The following PHOX2A variants were observed in gnomAD, a reference collection of about 807,000 sequenced individuals.
The protein encoded by PHOX2A is paired mesoderm homeobox protein 2A.
Under a neutral mutation model 16.4 loss-of-function variants are expected in PHOX2A, and 10 were observed. That is an observed-to-expected ratio of 0.61 (90% CI 0.38 to 1.04). The LOEUF is 1.04. PHOX2A is among the 50% of genes least tolerant of loss of function. PHOX2A has a pLI of 0.01. For missense variants in PHOX2A, 361 were observed against 419.4 expected, an observed-to-expected ratio of 0.86 and a Z score of 1.22; for synonymous variants, 219 against 203.8, an observed-to-expected ratio of 1.07 and a Z score of -0.64.
Position 72,241,165 on chromosome 11 carries a change from GT to G in PHOX2A, c.341del (p.Tyr114SerfsTer92). ...ELERVFAETH[Y>X]PDIYTREELA... ...GCTCCTCACGCGTGTAAATGTCGGG[GT>G]AGTGGGTCTCAGCGAAAACGCGCTC... On this transcript the variant is annotated frameshift_variant, in exon 2 of 3. Transcript: ENST00000298231. LOFTEE classifies it high-confidence loss of function. 1 of 1,614,004 alleles carries G rather than the reference GT, an allele frequency of 6.2e-7. No individual in the cohort carries two copies. Among genetic ancestry groups the G allele is most frequent in the Non-Finnish European group, 8.5e-7 (1 of 1,180,030 alleles).
At chr11:72,240,935 C>T (rs2135455702) in intron 2 of PHOX2A, among the ~76,000 whole-genome samples, 167 bp downstream of exon 2, 1 of 152,324 alleles carries the variant, frequency 6.6e-6, no homozygotes, top group East Asian at 1.9e-4. Context: ...CTCCCAAGGG[C>T]CTCCAAGTCC....
Position 72,244,153 on chromosome 11 carries a change from A to C in PHOX2A, c.-149T>G, listed in dbSNP as rs1949144948. The C allele has an allele frequency of 2.5e-6, 1 of 400,928 alleles. No homozygotes were observed. Among genetic ancestry groups the C allele is most frequent in the Non-Finnish European group, 4.3e-6 (1 of 231,404 alleles). 24.8% of individuals were successfully genotyped at this position (400,928 alleles called of 1,614,324 possible). On this transcript the variant is annotated 5_prime_UTR_variant, in exon 1 of 3. Transcript: ENST00000298231. ...AGTCCGCCCGCCCCGTCGCGGCCGC[A>C]CTCAGCCCGGGTGCAACGCAAGTGC...
At chr11:72,243,579 G>A (rs1264841770) in intron 1 of PHOX2A, among the ~76,000 whole-genome samples, 1 of 152,188 alleles carries the variant, frequency 6.6e-6, no homozygotes, top group African/African-American at 2.4e-5. Flanking sequence ...ACAGAGATTT[G>A]GCAACGAGAA....
Position 72,244,176 on chromosome 11 carries a change from T to A in PHOX2A, c.-172A>T, listed in dbSNP as rs1949145784. 1 of 383,998 alleles carries A rather than the reference T, an allele frequency of 2.6e-6. No homozygotes were observed. Among genetic ancestry groups the A allele is most frequent in the Non-Finnish European group, 4.6e-6 (1 of 218,032 alleles). 23.8% of individuals were successfully genotyped at this position (383,998 alleles called of 1,614,324 possible). Reference sequence around the variant, plus strand: ...GCACTCAGCCCGGGTGCAACGCAAGTGCAGCCAGCCCGGCCCGCGCGCCTT... The same window carrying A: ...GCACTCAGCCCGGGTGCAACGCAAGAGCAGCCAGCCCGGCCCGCGCGCCTT... On this transcript the variant is annotated 5_prime_UTR_variant, in exon 1 of 3. Coordinates refer to ENST00000298231, the MANE Select transcript of PHOX2A (RefSeq NM_005169.4).
At position 72,240,016 on chromosome 11, in the gene PHOX2A, A is replaced by T; in HGVS notation, c.588T>A (p.Pro196=). ...PDSTASLPPP[P]APGLASPRLS... ...GGCGCGGGCTGGCCAGGCCGGGCGC[A>T]GGCGGCGGCGGCAGCGAGGCGGTGC... The change falls in exon 3 of 3, where the codon CCT becomes CCA. Residue 196 remains proline (P), a synonymous_variant. Coordinates refer to ENST00000298231, the MANE Select transcript of PHOX2A (RefSeq NM_005169.4). The T allele has an allele frequency of 7.0e-7, 1 of 1,431,986 alleles. No homozygotes were observed. The allele number at this position is 1,431,986 out of a possible 1,614,324, so 88.7% of individuals were successfully genotyped here.
Position 72,240,072 on chromosome 11 carries a change from T to C in PHOX2A, c.532A>G (p.Lys178Glu). The C allele has an allele frequency of 6.5e-7, 1 of 1,530,648 alleles. No individual in the cohort carries two copies. Among genetic ancestry groups the C allele is most frequent in the Non-Finnish European group, 8.7e-7 (1 of 1,143,490 alleles). The allele number at this position is 1,530,648 out of a possible 1,614,324, so 94.8% of individuals were successfully genotyped here. ...GGCGTGGGGCTGCACGTGGACTCCT[T>C]GGAATCGTCGTCCTCGGAGGAGCAG... The part of the protein sequence containing the change: ...ARCSSEDDDS[K>E]ESTCSPTPDS... Residue 178 changes from lysine to glutamate, a missense_variant, in exon 3 of 3, where the codon AAG becomes GAG. Coordinates refer to ENST00000298231, the MANE Select transcript of PHOX2A (RefSeq NM_005169.4).
At chr11:72,240,344 C>A in intron 2 of PHOX2A, 146 bp from the exon 3 acceptor site, 4 of 1,128,426 alleles carry the variant, frequency 3.5e-6, no homozygotes, top group Non-Finnish European at 4.9e-6. Flanking sequence ...GCCCTCCGCA[C>A]GCAGCCCGCT....
chr11:72,243,443 A>G (rs71477720), intron 1 of PHOX2A, among the ~76,000 whole-genome samples: 1,691 of 151,084 alleles, frequency 0.011, 11 homozygotes, highest in Middle Eastern at 0.054. Flanking sequence ...CTGGGCTGGG[A>G]GCCTTTTTCA....
chr11:72,244,071 G>T lies in PHOX2A; in HGVS notation c.-67C>A. ...GGGGTCGGGGTCCGGGTGGAGGTCG[G>T]AAGGGAGGTTCGAGCGCCAGGCTCC... On this transcript the variant is annotated 5_prime_UTR_variant, in exon 1 of 3. Coordinates refer to ENST00000298231, the MANE Select transcript of PHOX2A (RefSeq NM_005169.4). 1 of 774,640 alleles carries T rather than the reference G, an allele frequency of 1.3e-6. No individual in the cohort carries two copies. Among genetic ancestry groups the T allele is most frequent in the Non-Finnish European group, 1.8e-6 (1 of 566,224 alleles). 48.0% of individuals were successfully genotyped at this position (774,640 alleles called of 1,614,324 possible).
At position 72,239,642 on chromosome 11, in the gene PHOX2A, G is replaced by T; in HGVS notation, c.*107C>A. 1.2e-6 allele frequency: 1 copy of T among 858,470 alleles called. No homozygotes were observed. Among genetic ancestry groups the T allele is most frequent in the Non-Finnish European group, 1.6e-6 (1 of 631,994 alleles). The allele number at this position is 858,470 out of a possible 1,614,324, so 53.2% of individuals were successfully genotyped here. A position where few individuals can be genotyped will look rare whatever the true frequency, so the allele number is the denominator to read the frequency against. On this transcript the variant is annotated 3_prime_UTR_variant, in exon 3 of 3. Transcript: ENST00000298231. Reference sequence around the variant, plus strand: ...GAGGGGTGAGACAGTAGGGAGTGGAGACGGATGGGGACTTCCAGGCGGGTG... The same window carrying T: ...GAGGGGTGAGACAGTAGGGAGTGGATACGGATGGGGACTTCCAGGCGGGTG...
intron 2 of PHOX2A, 120 bp downstream of exon 2, chr11:72,240,981 TG>T: frequency 9.1e-7 from 1 of 1,099,490 alleles, no homozygotes; most frequent in Non-Finnish European, 1.3e-6. Flanking sequence ...CCAAGCACCC[TG>T]GGACCGCGCC....
In PHOX2A at chr11:72,239,706, G is replaced by C; in HGVS notation, c.*43C>G. 7.7e-7 allele frequency: 1 copy of C among 1,290,848 alleles called. No individual in the cohort carries two copies. The highest frequency in any genetic ancestry group is 9.9e-7 in the Non-Finnish European group (1 of 1,009,082). 80.0% of individuals were successfully genotyped at this position (1,290,848 alleles called of 1,614,324 possible). On this transcript the variant is annotated 3_prime_UTR_variant, in exon 3 of 3. Transcript: ENST00000298231. ...GGGCTGTCAGGTCCTGGAGGGGCAG[G>C]GACGTCTCTGGGGGCAGGCTCGGAG...
chr11:72,241,304 AG>A lies in PHOX2A; in HGVS notation c.218-16del. On this transcript the variant is annotated splice_polypyrimidine_tract_variant and intron_variant, in intron 1 of 2. Transcript: ENST00000298231. ...CTTGTAGGGCACTGCGGGTGTGTGCAGGGGGGCCGGGGGGGGGGCAAAAAGG... is the reference window on the plus strand; with the variant it reads ...CTTGTAGGGCACTGCGGGTGTGTGCAGGGGGCCGGGGGGGGGGCAAAAAGG... 14 of 545,914 alleles carry A rather than the reference AG, an allele frequency of 2.6e-5. No individual in the cohort carries two copies. Among genetic ancestry groups the A allele is most frequent in the Non-Finnish European group, 2.8e-5 (12 of 424,716 alleles). The allele number at this position is 545,914 out of a possible 1,614,324, so 33.8% of individuals were successfully genotyped here. A position where few individuals can be genotyped will look rare whatever the true frequency, so the allele number is the denominator to read the frequency against.
chr11:72,243,914 C>T lies in PHOX2A; in HGVS notation c.91G>A (p.Gly31Ser). 6 of 1,293,700 alleles carry T rather than the reference C, an allele frequency of 4.6e-6. No homozygotes were observed. Among genetic ancestry groups the T allele is most frequent in the African/African-American group, 1.5e-5 (1 of 65,338 alleles). The allele number at this position is 1,293,700 out of a possible 1,614,324, so 80.1% of individuals were successfully genotyped here. A position where few individuals can be genotyped will look rare whatever the true frequency, so the allele number is the denominator to read the frequency against. Reference sequence around the variant, plus strand: ...CGCAGGGGGCTGTATTGGAAGCCGCCGGGCTGGCTGCAGGCGCCAAAGTCG... The same window carrying T: ...CGCAGGGGGCTGTATTGGAAGCCGCTGGGCTGGCTGCAGGCGCCAAAGTCG... ...YGDFGACSQP[G>S]GFQYSPLRPA... Residue 31 changes from glycine to serine, a missense_variant, in exon 1 of 3, where the codon GGC becomes AGC. This residue lies in a region of PHOX2A where 235 missense variants were observed against 263.8 expected (regional missense o/e 0.89). Coordinates refer to ENST00000298231, the MANE Select transcript of PHOX2A (RefSeq NM_005169.4).
rs1415268847 is a variant in PHOX2A, at chr11:72,239,885, C to T, written c.719G>A (p.Gly240Asp). ...GGCCGCTCCCGCGCCAGGCCCGCCG[C>T]CCCCACCGCCCGCCACACCGGCCCA... Reference protein sequence around the residue: ...ALWAGVAGGGGGGPGAGAAEL... With the variant: ...ALWAGVAGGGDGGPGAGAAEL... The change falls in exon 3 of 3, where the codon GGC becomes GAC. Residue 240 changes from glycine to aspartate, a missense_variant. Around this residue, in one of 3 missense-constraint regions of PHOX2A, gnomAD observed 55 missense variants for 101.6 expected, o/e 0.54. Coordinates refer to ENST00000298231, the MANE Select transcript of PHOX2A (RefSeq NM_005169.4). 1 of 1,359,538 alleles carries T rather than the reference C, an allele frequency of 7.4e-7. No homozygotes were observed. The highest frequency in any genetic ancestry group is 9.6e-7 in the Non-Finnish European group (1 of 1,044,044). The allele number at this position is 1,359,538 out of a possible 1,614,324, so 84.2% of individuals were successfully genotyped here.
At position 72,241,317 on chromosome 11, in the gene PHOX2A, G is replaced by A. The variant is rs758404989; in HGVS notation, c.218-28C>T. On this transcript the variant is annotated intron_variant, in intron 1 of 2. Transcript: ENST00000298231. ...GCGGGTGTGTGCAGGGGGGCCGGGG[G>A]GGGGGCAAAAAGGATGGGGGAGTGA... 5.7e-6 allele frequency: 7 copies of A among 1,234,164 alleles called. 1 individual carries two copies. Among genetic ancestry groups the A allele is most frequent in the Middle Eastern group, 2.9e-4 (1 of 3,476 alleles). The allele number at this position is 1,234,164 out of a possible 1,614,324, so 76.5% of individuals were successfully genotyped here.
intron 1 of PHOX2A, among the ~76,000 whole-genome samples, chr11:72,242,358 T>A (rs1434092945): frequency 6.6e-6 from 1 of 152,168 alleles, no homozygotes; most frequent in East Asian, 1.9e-4. Context: ...TCTCTATTTC[T>A]AATCTTCTTT....
Position 72,243,969 on chromosome 11 carries a change from GC to G in PHOX2A, c.35del (p.Cys12SerfsTer194), listed in dbSNP as rs745709735. On this transcript the variant is annotated frameshift_variant, in exon 1 of 3. Transcript: ENST00000298231. LOFTEE classifies it high-confidence loss of function. ...AGGCGGACGCCTCCATGGCCGCCAC[GC>G]ACGAGTCGTACGAATTGAGGTAGGA... ...DYSYLNSYDSCVAAMEASAYG... is the reference protein window; with the variant it reads ...DYSYLNSYDSXVAAMEASAYG... The G allele has an allele frequency of 1.5e-6, 2 of 1,302,024 alleles. No homozygotes were observed. The highest frequency in any genetic ancestry group is 3.0e-5 in the South Asian group (1 of 33,400). 80.7% of individuals were successfully genotyped at this position (1,302,024 alleles called of 1,614,324 possible).
rs374500870 is a variant in PHOX2A at position 72,241,318 on chromosome 11, G to C, written c.218-29C>G. 711 of 1,208,318 alleles carry C rather than the reference G, an allele frequency of 5.9e-4. 30 individuals carry two copies. Among genetic ancestry groups the C allele is most frequent in the Non-Finnish European group, 7.6e-4 (661 of 868,392 alleles). 74.8% of individuals were successfully genotyped at this position (1,208,318 alleles called of 1,614,324 possible). A position where few individuals can be genotyped will look rare whatever the true frequency, so the allele number is the denominator to read the frequency against. On this transcript the variant is annotated intron_variant, in intron 1 of 2. Transcript: ENST00000298231. ...CGGGTGTGTGCAGGGGGGCCGGGGG[G>C]GGGGCAAAAAGGATGGGGGAGTGAG...
Sources: gnomAD v4.1 joint callset for allele counts (sites outside exome capture counted in the v4.1 genomes callset) on GRCh38, gnomAD v4.1.1 for gene constraint, gnomAD v4.1.1 regional missense constraint, MANE v1.5 for transcripts, NCBI Gene and HGNC (gene_info 2026-07-23, HGNC 2026-07-21) for gene names.